The following SGCZ variants were observed in gnomAD, a reference collection of about 807,000 sequenced individuals.
The protein encoded by SGCZ is zeta-sarcoglycan.
Under a neutral mutation model 41.3 loss-of-function variants are expected in SGCZ, and 40 were observed. The ratio of observed to expected loss-of-function variants is 0.97; its 90% CI spans 0.75 to 1.26. The LOEUF (loss-of-function observed/expected upper bound fraction) is 1.26. Among genes scored for constraint, SGCZ ranks in the 50% most tolerant of loss-of-function variants. The pLI is 0.00. For missense variants in SGCZ, 552 were observed against 369.8 expected, an observed-to-expected ratio of 1.49 and a Z score of -4.04; for synonymous variants, 206 against 137.5, an observed-to-expected ratio of 1.50 and a Z score of -3.49.
chr8:14,206,883 C>T (rs955385229), intron 4 of SGCZ, among the ~76,000 whole-genome samples: 1 of 152,132 alleles, frequency 6.6e-6, no homozygotes, highest in Non-Finnish European at 1.5e-5. Context: ...TTCTTATACA[C>T]ATGAGAACAC....
intron 6 of SGCZ, among the ~76,000 whole-genome samples, chr8:14,106,921 T>C (rs990506247): frequency 3.3e-5 from 5 of 152,078 alleles, no homozygotes; most frequent in African/African-American, 4.8e-5. Flanking sequence ...ATCTTACGTA[T>C]TGAATTAAGA....
chr8:14,960,954 C>T (rs1166084208), intron 1 of SGCZ, among the ~76,000 whole-genome samples: 1 of 148,234 alleles, frequency 6.7e-6, no homozygotes, highest in African/African-American at 2.5e-5. Context: ...CACACACACA[C>T]ACACACACAC....
At chr8:14,241,896 A>G (rs1798905089) in intron 3 of SGCZ, among the ~76,000 whole-genome samples, 1 of 152,262 alleles carries the variant, frequency 6.6e-6, no homozygotes, top group Non-Finnish European at 1.5e-5. Context: ...TAGGCTATGC[A>G]TATGACCAAT....
intron 3 of SGCZ, among the ~76,000 whole-genome samples, chr8:14,270,444 C>T (rs183601554): frequency 6.6e-6 from 1 of 152,286 alleles, no homozygotes; most frequent in East Asian, 1.9e-4. Context: ...ATCCCAGTTA[C>T]ATTTTAAAAT....
At chr8:14,446,269 G>T (rs969979114) in intron 2 of SGCZ, among the ~76,000 whole-genome samples, 6 of 152,122 alleles carry the variant, frequency 3.9e-5, no homozygotes, top group Admixed American at 3.3e-4. Flanking sequence ...CTCTAACACT[G>T]GTTTTACCTA....
intron 1 of SGCZ, among the ~76,000 whole-genome samples, chr8:15,194,889 G>A (rs149636692): frequency 1.3e-5 from 2 of 152,194 alleles, no homozygotes; most frequent in African/African-American, 4.8e-5. Flanking sequence ...AGTTAAGTTT[G>A]TGATAGTTTC....
At chr8:14,583,201 C>T (rs1804950733) in intron 1 of SGCZ, among the ~76,000 whole-genome samples, 1 of 150,984 alleles carries the variant, frequency 6.6e-6, no homozygotes, top group African/African-American at 2.4e-5. Context: ...GATCGCCATT[C>T]TAACTGGTGT....
intron 1 of SGCZ, among the ~76,000 whole-genome samples, chr8:14,656,486 CT>C (rs1270221054): frequency 7.1e-6 from 1 of 141,198 alleles, no homozygotes; most frequent in Non-Finnish European, 1.5e-5. Flanking sequence ...CTCTTTCTCC[CT>C]CTCTTTCCTC....
intron 1 of SGCZ, among the ~76,000 whole-genome samples, chr8:14,857,962 A>C (rs1224152514): frequency 6.6e-6 from 1 of 152,192 alleles, no homozygotes; most frequent in East Asian, 1.9e-4. Context: ...CAAGATTCAA[A>C]AATACTTATT....
intron 1 of SGCZ, among the ~76,000 whole-genome samples, chr8:14,940,551 T>C (rs1409210077): frequency 6.6e-6 from 1 of 152,098 alleles, no homozygotes; most frequent in Non-Finnish European, 1.5e-5. Flanking sequence ...TCAAAGCATA[T>C]ATAATTAAAT....
chr8:14,579,354 A>C (rs186856559), intron 1 of SGCZ, among the ~76,000 whole-genome samples: 84 of 152,366 alleles, frequency 5.5e-4, no homozygotes, highest in Middle Eastern at 3.4e-3. Flanking sequence ...AACCTTAATC[A>C]GAAATGCATG....
chr8:15,226,284 A>G (rs1177179780), intron 1 of SGCZ, among the ~76,000 whole-genome samples: 1 of 152,196 alleles, frequency 6.6e-6, no homozygotes, highest in African/African-American at 2.4e-5. Flanking sequence ...GGCAGATAAT[A>G]TTTTTGACTA....
intron 3 of SGCZ, among the ~76,000 whole-genome samples, chr8:14,302,845 T>C (rs867950767): frequency 2.4e-4 from 36 of 152,188 alleles, no homozygotes; most frequent in Admixed American, 2.6e-4. Context: ...TCTGATGACG[T>C]CACTTAAATG....
intron 2 of SGCZ, among the ~76,000 whole-genome samples, chr8:14,409,101 T>A (rs1441033158): frequency 6.6e-6 from 1 of 152,050 alleles, no homozygotes; most frequent in Non-Finnish European, 1.5e-5. Context: ...TCTCAGTAAG[T>A]GTAGGATTAT....
intron 1 of SGCZ, among the ~76,000 whole-genome samples, chr8:14,704,580 A>T (rs1455098906): frequency 6.6e-6 from 1 of 151,998 alleles, no homozygotes; most frequent in East Asian, 1.9e-4. Flanking sequence ...ACACCAGGTC[A>T]TGTGGTAGCT....
intron 5 of SGCZ, among the ~76,000 whole-genome samples, chr8:14,130,449 G>C (rs1438124479): frequency 6.6e-6 from 1 of 151,980 alleles, no homozygotes; most frequent in Non-Finnish European, 1.5e-5. Flanking sequence ...GAGCAAGATA[G>C]CTGACTAGGG....
At chr8:14,354,750 A>G (rs1295144079) in intron 2 of SGCZ, among the ~76,000 whole-genome samples, 1 of 151,868 alleles carries the variant, frequency 6.6e-6, no homozygotes, top group Non-Finnish European at 1.5e-5. Context: ...TTTCTAAAAA[A>G]TACTTGCTGT....
intron 2 of SGCZ, among the ~76,000 whole-genome samples, chr8:14,385,716 G>C (rs1027691795): frequency 3.3e-5 from 5 of 152,066 alleles, no homozygotes; most frequent in African/African-American, 7.2e-5. Context: ...AAAGAAAAAA[G>C]AACAGAGAAC....
At chr8:15,087,764 T>G (rs945944620) in intron 1 of SGCZ, among the ~76,000 whole-genome samples, 1 of 152,124 alleles carries the variant, frequency 6.6e-6, no homozygotes, top group African/African-American at 2.4e-5. Context: ...CTTCAAAGAA[T>G]GAAACAAGAG....
Sources: allele counts gnomAD v4.1 joint callset (sites outside exome capture counted in the v4.1 genomes callset), GRCh38; gene constraint gnomAD v4.1.1; transcripts MANE v1.5; gene names NCBI Gene and HGNC (gene_info 2026-07-23, HGNC 2026-07-21).